The following ESR2 variants were observed in gnomAD, a reference collection of about 807,000 sequenced individuals.
ESR2 encodes the protein estrogen receptor beta.
ESR2 carries 36 observed loss-of-function variants against 49.6 expected under a neutral mutation model. That is an observed-to-expected ratio of 0.73 (90% CI 0.56 to 0.96). ESR2 has a LOEUF of 0.96. Ranked by LOEUF, ESR2 falls within the 40% of genes least tolerant of loss-of-function variation. The pLI is 0.00. For missense variants in ESR2, 714 were observed against 693.0 expected (o/e 1.03, Z -0.34); for synonymous variants, 320 against 266.1 (o/e 1.20, Z -1.97).
At chr14:64,253,273 C>T (rs2076025699) in intron 6 of ESR2, among the ~76,000 whole-genome samples, 1 of 152,086 alleles carries the variant, frequency 6.6e-6, no homozygotes, top group Non-Finnish European at 1.5e-5. Flanking sequence ...TCACTGCAAC[C>T]TCCACTTCCT....
intron 1 of ESR2, among the ~76,000 whole-genome samples, chr14:64,291,550 A>G (rs2076870367): frequency 6.6e-6 from 1 of 152,234 alleles, no homozygotes; most frequent in South Asian, 2.1e-4. Context: ...TTATATATAT[A>G]TATGTTAGCA....
In ESR2 at chr14:64,229,668, G is replaced by T. The variant is rs2098725422; in HGVS notation, c.*3469C>A. Among the ~76,000 whole-genome samples, 1 of 152,210 alleles carries T rather than the reference G, an allele frequency of 6.6e-6. No individual in the cohort carries two copies. The highest frequency in any genetic ancestry group is 6.5e-5 in the Admixed American group (1 of 15,288). On this transcript the variant is annotated 3_prime_UTR_variant, in exon 9 of 9. Transcript: ENST00000341099. ...TGTCAGCACTGGACTTGGACTGCCT[G>T]TGTTCAGCTCAATCACCTACTCCCC... is the stretch of plus-strand genomic sequence containing the variant.
rs373310647 is a variant in ESR2 at position 64,231,497 on chromosome 14, C to G, written c.*1640G>C. 6.6e-6 allele frequency: 1 copy of G among 152,166 alleles called. No homozygotes were observed. The highest frequency in any genetic ancestry group is 6.5e-5 in the Admixed American group (1 of 15,280). 9.4% of individuals were successfully genotyped at this position (152,166 alleles called of 1,614,324 possible). On this transcript the variant is annotated 3_prime_UTR_variant, in exon 9 of 9. Transcript: ENST00000341099. ...CTCAGAACACAGACATCAGTGTGTTCTCTAGGTACTTGTCCAAGCATTTCT... is the reference window on the plus strand; with the variant it reads ...CTCAGAACACAGACATCAGTGTGTTGTCTAGGTACTTGTCCAAGCATTTCT...
chr14:64,317,616 C>T, intron 1 of ESR2, among the ~76,000 whole-genome samples: 1 of 152,178 alleles, frequency 6.6e-6, no homozygotes. Flanking sequence ...ACACTTCCAA[C>T]AATGGAGATT....
intron 1 of ESR2, among the ~76,000 whole-genome samples, chr14:64,321,911 C>A (rs1201526468): frequency 6.6e-6 from 1 of 152,074 alleles, no homozygotes; most frequent in Admixed American, 6.6e-5. Context: ...GACTACCAGA[C>A]ATGGGAGAGA....
intron 5 of ESR2, 177 bp downstream of exon 5, chr14:64,260,272 A>G (rs991317127): frequency 2.8e-5 from 22 of 780,448 alleles, no homozygotes; most frequent in Non-Finnish European, 5.2e-5. Flanking sequence ...TGTTGAAGGT[A>G]GGTATGCCAA....
intron 7 of ESR2, among the ~76,000 whole-genome samples, chr14:64,243,034 CT>C (rs1253982507): frequency 1.3e-5 from 2 of 152,178 alleles, no homozygotes; most frequent in African/African-American, 4.8e-5. Context: ...CAGTAAAGAC[CT>C]GCTCCCATGA....
downstream of ESR2, chr14:64,227,441 AT>A (rs1470605340): frequency 4.2e-6 from 6 of 1,426,466 alleles, no homozygotes; most frequent in African/African-American, 5.7e-5. Context: ...CTTTAAAATT[AT>A]TTTTTTCATG....
chr14:64,317,232 T>G (rs1331812355), intron 1 of ESR2, among the ~76,000 whole-genome samples: 2 of 152,226 alleles, frequency 1.3e-5, no homozygotes. Flanking sequence ...ACCACTGCAC[T>G]ACAGCCTAGG....
chr14:64,260,403 G>T lies in ESR2; in HGVS notation c.952+46C>A. The T allele has an allele frequency of 3.3e-6, 5 of 1,500,212 alleles. No homozygotes were observed. In the South Asian group the frequency reaches 4.0e-5, roughly 12 times the overall value. The allele number at this position is 1,500,212 out of a possible 1,614,324, so 92.9% of individuals were successfully genotyped here. ...TCTTGCCCCTTAAATATTAGCGGCC[G>T]GCCTTTCTACAAGTACATGGAAAAC... On this transcript the variant is annotated intron_variant, in intron 5 of 8. Coordinates refer to ENST00000341099, the MANE Select transcript of ESR2 (RefSeq NM_001437.3).
At chr14:64,269,514 T>C (rs1345471710) in intron 3 of ESR2, among the ~76,000 whole-genome samples, 7 of 152,332 alleles carry the variant, frequency 4.6e-5, no homozygotes, top group East Asian at 3.9e-4. Flanking sequence ...TCCCTACCAG[T>C]TGATGTTGGG....
intron 4 of ESR2, among the ~76,000 whole-genome samples, chr14:64,268,339 G>A (rs2076373188): frequency 6.6e-6 from 1 of 152,156 alleles, no homozygotes; most frequent in African/African-American, 2.4e-5. Context: ...CGAGGGGATA[G>A]GTGTGAGCCT....
intron 6 of ESR2, among the ~76,000 whole-genome samples, chr14:64,255,403 C>G (rs532511311): frequency 1.3e-5 from 2 of 152,188 alleles, no homozygotes; most frequent in African/African-American, 4.8e-5. Context: ...ACATGGTACC[C>G]TGAGATGACA....
chr14:64,275,913 T>C (rs1174773598), intron 3 of ESR2, among the ~76,000 whole-genome samples: 1 of 152,208 alleles, frequency 6.6e-6, no homozygotes, highest in Non-Finnish European at 1.5e-5. Flanking sequence ...TTGGCTCCCA[T>C]ATTTTAAATC....
At chr14:64,242,852 G>C (rs201458018) in intron 7 of ESR2, among the ~76,000 whole-genome samples, 1 of 139,646 alleles carries the variant, frequency 7.2e-6, no homozygotes, top group South Asian at 2.2e-4. Flanking sequence ...CAAAAGAAAG[G>C]TTTATTGGAC....
intron 7 of ESR2, among the ~76,000 whole-genome samples, chr14:64,236,875 G>T (rs1256061): frequency 0.42 from 63,956 of 151,468 alleles, 13,996 homozygotes; most frequent in East Asian, 0.5. Context: ...CATGCTGGAT[G>T]TCTGCCTTGT....
At chr14:64,322,096 TCA>T (rs2077331246) in intron 1 of ESR2, among the ~76,000 whole-genome samples, 1 of 152,142 alleles carries the variant, frequency 6.6e-6, no homozygotes, top group South Asian at 2.1e-4. Flanking sequence ...TTTGCTCTTG[TCA>T]CCCAGGCTGG....
intron 1 of ESR2, among the ~76,000 whole-genome samples, chr14:64,286,686 A>G (rs1235320861): frequency 2.6e-5 from 4 of 152,038 alleles, no homozygotes; most frequent in Admixed American, 1.3e-4. Context: ...ACATATAGTG[A>G]TAACTATTGC....
At position 64,301,403 on chromosome 14, in the gene ESR2, T is replaced by G. The variant is rs529966631; in HGVS notation, c.-90-18328A>C. On this transcript the variant is annotated intron_variant, in intron 1 of 8. Coordinates refer to the ESR2 transcript ENST00000358599. ...TAGAGGGCGCTGATCTCCTCTGGGGTCTCTTCTGAATTACACAGGTGCATG... is the reference window on the plus strand; with the variant it reads ...TAGAGGGCGCTGATCTCCTCTGGGGGCTCTTCTGAATTACACAGGTGCATG... The G allele has an allele frequency of 3.9e-5, 6 of 152,224 alleles. No homozygotes were observed. In the South Asian group the frequency reaches 1.0e-3, roughly 26 times the overall value. 9.4% of individuals were successfully genotyped at this position (152,224 alleles called of 1,614,324 possible). A position where few individuals can be genotyped will look rare whatever the true frequency, so the allele number is the denominator to read the frequency against.
Sources: allele counts gnomAD v4.1 joint callset (sites outside exome capture counted in the v4.1 genomes callset), GRCh38; gene constraint gnomAD v4.1.1; transcripts MANE v1.5; gene names NCBI Gene and HGNC (gene_info 2026-07-23, HGNC 2026-07-21).